The following CD28 variants were observed in gnomAD, a reference collection of about 807,000 sequenced individuals.
CD28 encodes the protein T-cell-specific surface glycoprotein CD28.
CD28 carries 8 observed loss-of-function variants against 21.4 expected under a neutral mutation model. The observed-to-expected ratio is 0.37, with a 90% CI of 0.22 to 0.68. CD28 has a LOEUF of 0.68. CD28 is among the 30% of genes least tolerant of loss of function. CD28 has a pLI of 0.55. For missense variants in CD28, 239 were observed against 272.2 expected (o/e 0.88, Z 0.86); for synonymous variants, 106 against 104.0 (o/e 1.02, Z -0.12).
intron 1 of CD28, among the ~76,000 whole-genome samples, chr2:203,711,217 G>A (rs1387556101): frequency 1.3e-5 from 2 of 152,174 alleles, no homozygotes; most frequent in Non-Finnish European, 2.9e-5. Context: ...AGGTAACCCA[G>A]GCCCCACAGA....
chr2:203,712,173 CAG>C (rs1462720916), intron 1 of CD28, among the ~76,000 whole-genome samples: 1 of 149,728 alleles, frequency 6.7e-6, no homozygotes, highest in Non-Finnish European at 1.5e-5. Flanking sequence ...GCCTGGGTGA[CAG>C]AGCGAGATTC....
At chr2:203,724,438 C>T (rs1693685634) in intron 1 of CD28, among the ~76,000 whole-genome samples, 1 of 152,164 alleles carries the variant, frequency 6.6e-6, no homozygotes, top group Non-Finnish European at 1.5e-5. Context: ...AACTTAGTAT[C>T]AATCCTTCCC....
rs968932943 is a variant in CD28 at position 203,735,250 on chromosome 2, T to A, written c.*338T>A. On this transcript the variant is annotated 3_prime_UTR_variant, in exon 4 of 4. Transcript: ENST00000324106. The stretch of plus-strand genomic sequence containing the variant: ...TCCCTTTCTCACTCACCTGCACATC[T>A]CAGTCAAGCAAAGTGTGGTATCCAC... The A allele has an allele frequency of 2.3e-5, 6 of 262,788 alleles. No homozygotes were observed. The highest frequency in any genetic ancestry group is 4.3e-5 in the Non-Finnish European group (6 of 138,304). 16.3% of individuals were successfully genotyped at this position (262,788 alleles called of 1,614,324 possible).
chr2:203,738,322 C>A lies in CD28; in HGVS notation c.*3410C>A, dbSNP rs894559260. On this transcript the variant is annotated 3_prime_UTR_variant, in exon 4 of 4. Transcript: ENST00000324106. ...ACTGCCAGCTGGGAACTATACCAGACCTGGATACTGATCCCAAAGTGTTAA... is the reference window on the plus strand; with the variant it reads ...ACTGCCAGCTGGGAACTATACCAGAACTGGATACTGATCCCAAAGTGTTAA... 6.6e-6 allele frequency: 1 copy of A among 152,120 alleles called. No homozygotes were observed. Among genetic ancestry groups the A allele is most frequent in the African/African-American group, 2.4e-5 (1 of 41,404 alleles). The allele number at this position is 152,120 out of a possible 1,614,324, so 9.4% of individuals were successfully genotyped here.
rs1265926186 is a variant in CD28 at position 203,734,875 on chromosome 2, A to G, written c.626A>G (p.Tyr209Cys). 1 of 1,614,170 alleles carries G rather than the reference A, an allele frequency of 6.2e-7. No homozygotes were observed. The highest frequency in any genetic ancestry group is 8.5e-7 in the Non-Finnish European group (1 of 1,180,030). ...CCCACCCGCAAGCATTACCAGCCCT[A>G]TGCCCCACCACGCGACTTCGCAGCC... The part of the protein sequence containing the change: ...PGPTRKHYQP[Y>C]APPRDFAAYR... Residue 209 changes from tyrosine to cysteine, a missense_variant, in exon 4 of 4, where the codon TAT becomes TGT. Tyr to Cys is a radical substitution (Grantham distance 194). Around this residue, in one of 3 missense-constraint regions of CD28, gnomAD observed 112 missense variants for 112.8 expected, o/e 0.99. Transcript: ENST00000324106.
chr2:203,722,597 A>G (rs570195282), intron 1 of CD28, among the ~76,000 whole-genome samples: 1 of 152,370 alleles, frequency 6.6e-6, no homozygotes, highest in African/African-American at 2.4e-5. Flanking sequence ...GTAAAGAAGC[A>G]TAACATGTGG....
chr2:203,708,056 T>C (rs1301283852), intron 1 of CD28, among the ~76,000 whole-genome samples: 1 of 152,194 alleles, frequency 6.6e-6, no homozygotes, highest in African/African-American at 2.4e-5. Context: ...CCCTGAAAGA[T>C]ACATTGAAAA....
At chr2:203,725,568 T>G (rs552370815) in intron 1 of CD28, among the ~76,000 whole-genome samples, 1 of 152,310 alleles carries the variant, frequency 6.6e-6, no homozygotes, top group African/African-American at 2.4e-5. Context: ...TTCTCTTCAC[T>G]TATGGAGTTG....
At chr2:203,723,489 TA>T (rs57408890) in intron 1 of CD28, among the ~76,000 whole-genome samples, 48,144 of 136,432 alleles carry the variant, frequency 0.35, 7,784 homozygotes, top group South Asian at 0.6. Context: ...TCTGTAAAAA[TA>T]AAAAAAAAAA....
chr2:203,727,405 T>G (rs1301937445), intron 2 of CD28, among the ~76,000 whole-genome samples: 1 of 151,390 alleles, frequency 6.6e-6, no homozygotes, highest in Non-Finnish European at 1.5e-5. Flanking sequence ...AATCTTCCTC[T>G]GTAAAAGTAC....
intron 3 of CD28, 45 bp from the exon 4 acceptor site, chr2:203,734,739 T>C (rs1228733624): frequency 6.2e-7 from 1 of 1,611,426 alleles, no homozygotes; most frequent in Non-Finnish European, 8.5e-7. Context: ...TTAGAACTCC[T>C]TCCATGACAT....
chr2:203,735,090 T>G lies in CD28; in HGVS notation c.*178T>G. On this transcript the variant is annotated 3_prime_UTR_variant, in exon 4 of 4. Transcript: ENST00000324106. ...TCAAGATCATTTTGAGACTCTGAAA[T>G]GAAGTAAAAGAGATTTCCTGTGACA... The G allele has an allele frequency of 1.5e-6, 1 of 686,936 alleles. No individual in the cohort carries two copies. The highest frequency in any genetic ancestry group is 2.4e-6 in the Non-Finnish European group (1 of 420,038). The allele number at this position is 686,936 out of a possible 1,614,324, so 42.6% of individuals were successfully genotyped here.
At chr2:203,717,714 C>A (rs764089888) in intron 1 of CD28, among the ~76,000 whole-genome samples, 1 of 152,232 alleles carries the variant, frequency 6.6e-6, no homozygotes, top group South Asian at 2.1e-4. Context: ...TACAGAGGAC[C>A]AACAATTGCA....
At chr2:203,727,899 G>A (rs969181968) in intron 2 of CD28, among the ~76,000 whole-genome samples, 2 of 152,008 alleles carry the variant, frequency 1.3e-5, no homozygotes, top group African/African-American at 2.4e-5. Flanking sequence ...GGATGGTCTC[G>A]ATTTCCTGAC....
At chr2:203,716,509 CGCTGTCACA>C (rs368647647) in intron 1 of CD28, among the ~76,000 whole-genome samples, 1 of 152,266 alleles carries the variant, frequency 6.6e-6, no homozygotes, top group African/African-American at 2.4e-5. Flanking sequence ...GAATGAATGA[CGCTGTCACA>C]GCAGAAGTCA....
chr2:203,723,625 T>A (rs768995948), intron 1 of CD28, among the ~76,000 whole-genome samples: 2 of 152,180 alleles, frequency 1.3e-5, no homozygotes, highest in African/African-American at 2.4e-5. Flanking sequence ...CAATGGCTAA[T>A]AAGCACATGA....
chr2:203,732,608 C>T (rs1304880164), intron 3 of CD28, among the ~76,000 whole-genome samples: 1 of 152,120 alleles, frequency 6.6e-6, no homozygotes, highest in Non-Finnish European at 1.5e-5. Context: ...GTGGGTAAGG[C>T]TGGCATGGGG....
At chr2:203,730,783 T>C (rs1229774593) in intron 3 of CD28, among the ~76,000 whole-genome samples, 2 of 152,224 alleles carry the variant, frequency 1.3e-5, no homozygotes, top group Non-Finnish European at 2.9e-5. Context: ...TTTAAATGAG[T>C]CTGCCTGAAG....
rs570801289 is a variant in CD28, at chr2:203,734,926, C to T, written c.*14C>T. On this transcript the variant is annotated 3_prime_UTR_variant, in exon 4 of 4. Coordinates refer to ENST00000324106, the MANE Select transcript of CD28 (RefSeq NM_006139.4). ...TATCGCTCCTGACACGGACGCCTAT[C>T]CAGAAGCCAGCCGGCTGGCAGCCCC... 1 of 1,612,706 alleles carries T rather than the reference C, an allele frequency of 6.2e-7. No homozygotes were observed. Among genetic ancestry groups the T allele is most frequent in the South Asian group, 1.1e-5 (1 of 90,926 alleles).
Sources: gnomAD v4.1 joint callset for allele counts (sites outside exome capture counted in the v4.1 genomes callset) on GRCh38, gnomAD v4.1.1 for gene constraint, gnomAD v4.1.1 regional missense constraint, MANE v1.5 for transcripts, NCBI Gene and HGNC (gene_info 2026-07-23, HGNC 2026-07-21) for gene names.